The following CERS6 variants were observed in gnomAD, a reference collection of about 807,000 sequenced individuals.
CERS6 encodes the protein ceramide synthase 6, also known as LAG1 homolog, ceramide synthase 6.
Under a neutral mutation model 56.8 loss-of-function variants are expected in CERS6, and 26 were observed. The ratio of observed to expected loss-of-function variants is 0.46; its 90% CI spans 0.34 to 0.63. CERS6 has a LOEUF of 0.63. Among genes scored for constraint, CERS6 ranks in the 30% least tolerant of loss-of-function variants. The pLI is 0.01. For missense variants in CERS6, 415 were observed against 467.5 expected (o/e 0.89, Z 1.04); for synonymous variants, 164 against 173.3 (o/e 0.95, Z 0.42).
chr2:168,620,014 TAC>T (rs1160024194), intron 3 of CERS6, among the ~76,000 whole-genome samples: 3,030 of 61,080 alleles, frequency 0.05, 115 homozygotes, highest in African/African-American at 0.12. Context: ...CCACAATCCA[TAC>T]ACACACACAC....
chr2:168,548,086 C>T (rs1179146717), intron 2 of CERS6, among the ~76,000 whole-genome samples: 1 of 152,114 alleles, frequency 6.6e-6, no homozygotes, highest in Non-Finnish European at 1.5e-5. Context: ...AAAAAAGGGA[C>T]CTCTTGGCTT....
At chr2:168,683,580 A>G (rs2105352979) in intron 4 of CERS6, among the ~76,000 whole-genome samples, 1 of 152,274 alleles carries the variant, frequency 6.6e-6, no homozygotes, top group South Asian at 2.1e-4. Context: ...TGGCCTGCAC[A>G]TCTCTCTCCC....
intron 3 of CERS6, among the ~76,000 whole-genome samples, chr2:168,612,273 C>T (rs993461745): frequency 5.3e-5 from 8 of 152,152 alleles, no homozygotes; most frequent in Non-Finnish European, 1.0e-4. Flanking sequence ...GCCAGTCCTA[C>T]GTAGAAGATT....
chr2:168,591,050 G>A (rs1396264977), intron 3 of CERS6, among the ~76,000 whole-genome samples: 1 of 152,042 alleles, frequency 6.6e-6, no homozygotes, highest in Non-Finnish European at 1.5e-5. Flanking sequence ...ATGGTCCCAA[G>A]GTTTATTTAA....
At chr2:168,561,875 A>G (rs375092151) in intron 3 of CERS6, among the ~76,000 whole-genome samples, 18 of 152,338 alleles carry the variant, frequency 1.2e-4, no homozygotes, top group South Asian at 6.2e-4. Context: ...TTATATATCA[A>G]TAAGGCTGTT....
At chr2:168,740,203 C>T (rs746341882) in intron 8 of CERS6, among the ~76,000 whole-genome samples, 1 of 152,138 alleles carries the variant, frequency 6.6e-6, no homozygotes, top group Non-Finnish European at 1.5e-5. Flanking sequence ...CAGCACTTCA[C>T]ACAAAGTTGT....
chr2:168,552,404 CACAG>C (rs1695592589), intron 2 of CERS6, among the ~76,000 whole-genome samples: 1 of 149,914 alleles, frequency 6.7e-6, no homozygotes, highest in South Asian at 2.1e-4. Context: ...CACACACAAA[CACAG>C]AGAAAGAAAA....
intron 8 of CERS6, among the ~76,000 whole-genome samples, chr2:168,744,297 T>C (rs555156588): frequency 6.6e-4 from 100 of 152,262 alleles, no homozygotes; most frequent in African/African-American, 1.9e-3. Context: ...TGAGCCACCG[T>C]TCCCGGCCTG....
intron 6 of CERS6, among the ~76,000 whole-genome samples, chr2:168,702,305 CT>C (rs1394926583): frequency 6.6e-5 from 10 of 152,058 alleles, no homozygotes; most frequent in Admixed American, 3.3e-4. Flanking sequence ...TTGAACTGAA[CT>C]TTTTTTCATA....
rs1695939331 is a variant in CERS6, at chr2:168,569,326, G to A, written c.407+8004G>A. ...ATCTCCCAAGGCAGTCACATTGGGA[G>A]GTAGGGCTTCAACGTATGTGTTCTG... On this transcript the variant is annotated intron_variant, in intron 3 of 9. Coordinates refer to ENST00000305747, the MANE Select transcript of CERS6 (RefSeq NM_203463.3). Among the ~76,000 whole-genome samples, 6 of 152,340 alleles carry A rather than the reference G, an allele frequency of 3.9e-5. No homozygotes were observed. In the South Asian group the frequency reaches 1.2e-3, roughly 32 times the overall value.
At chr2:168,464,316 C>G (rs1233779786) in intron 1 of CERS6, among the ~76,000 whole-genome samples, 1 of 151,756 alleles carries the variant, frequency 6.6e-6, no homozygotes, top group Admixed American at 6.6e-5. Context: ...CTCAGCCCCC[C>G]AAGTAGCTGG....
At chr2:168,546,496 C>T (rs972036792) in intron 1 of CERS6, among the ~76,000 whole-genome samples, 4 of 152,150 alleles carry the variant, frequency 2.6e-5, no homozygotes, top group Admixed American at 2.6e-4. Flanking sequence ...TGAAATAGGA[C>T]CCAGTAGGAT....
chr2:168,590,862 A>G (rs1476839729), intron 3 of CERS6, among the ~76,000 whole-genome samples: 3 of 152,236 alleles, frequency 2.0e-5, no homozygotes, highest in African/African-American at 4.8e-5. Flanking sequence ...CCCAAAGCCC[A>G]TAGCTAGGAA....
At chr2:168,687,190 G>C (rs1459727330) in intron 4 of CERS6, among the ~76,000 whole-genome samples, 1 of 152,236 alleles carries the variant, frequency 6.6e-6, no homozygotes. Flanking sequence ...GGCTGGATGA[G>C]AAGCTTATCT....
intron 3 of CERS6, among the ~76,000 whole-genome samples, chr2:168,576,295 T>G (rs568446900): frequency 6.6e-6 from 1 of 152,272 alleles, no homozygotes; most frequent in South Asian, 2.1e-4. Context: ...GACTGTAAAT[T>G]CCTTCATGAC....
At chr2:168,730,047 G>A (rs1683476225) in intron 8 of CERS6, among the ~76,000 whole-genome samples, 1 of 152,194 alleles carries the variant, frequency 6.6e-6, no homozygotes, top group African/African-American at 2.4e-5. Context: ...TTGGCACAAT[G>A]ACGACTGAGA....
At chr2:168,715,599 T>A (rs1687208705) in intron 7 of CERS6, among the ~76,000 whole-genome samples, 1 of 152,160 alleles carries the variant, frequency 6.6e-6, no homozygotes, top group African/African-American at 2.4e-5. Flanking sequence ...AAATTTTATG[T>A]AGAAACTATG....
chr2:168,629,028 A>G (rs1013322201), intron 3 of CERS6, among the ~76,000 whole-genome samples: 3 of 152,190 alleles, frequency 2.0e-5, no homozygotes, highest in Non-Finnish European at 4.4e-5. Context: ...TCAAGTTGCA[A>G]GATGCTTGAA....
At chr2:168,610,065 C>T (rs1044819840) in intron 3 of CERS6, among the ~76,000 whole-genome samples, 3 of 145,204 alleles carry the variant, frequency 2.1e-5, no homozygotes, top group Non-Finnish European at 3.0e-5. Flanking sequence ...GCAAGCTCTG[C>T]CTCCCGGGTT....
Sources: allele counts gnomAD v4.1 joint callset (sites outside exome capture counted in the v4.1 genomes callset), GRCh38; gene constraint gnomAD v4.1.1; transcripts MANE v1.5; gene names NCBI Gene and HGNC (gene_info 2026-07-23, HGNC 2026-07-21).